The following NCAM2 variants were observed in gnomAD, a reference collection of about 807,000 sequenced individuals.
The protein encoded by NCAM2 is N-CAM-2.
A neutral mutation model predicts 98.1 loss-of-function variants in NCAM2; 30 were observed. That is an observed-to-expected ratio of 0.31 (90% confidence interval 0.23 to 0.41). The LOEUF (loss-of-function observed/expected upper bound fraction) is 0.41. Among genes scored for constraint, NCAM2 ranks in the 10% least tolerant of loss-of-function variants. The probability of loss-of-function intolerance (pLI) is 1.00; values close to 1 mark genes in which losing one functional copy is unlikely to be tolerated. For missense variants in NCAM2, 867 were observed against 1,005.8 expected (o/e 0.86, Z 1.87); for synonymous variants, 368 against 342.4 (o/e 1.07, Z -0.83).
At chr21:21,085,605 T>C (rs556725487) in intron 1 of NCAM2, among the ~76,000 whole-genome samples, 1 of 152,252 alleles carries the variant, frequency 6.6e-6, no homozygotes, top group South Asian at 2.1e-4. Flanking sequence ...GTTGGAGACA[T>C]GGGGCCCTAG....
chr21:21,501,444 A>T (rs1338225239), intron 15 of NCAM2, among the ~76,000 whole-genome samples: 1 of 151,994 alleles, frequency 6.6e-6, no homozygotes, highest in Non-Finnish European at 1.5e-5. Flanking sequence ...GAAATTATAT[A>T]AGGGAATTTA....
At chr21:21,108,153 A>C (rs1269764255) in intron 1 of NCAM2, among the ~76,000 whole-genome samples, 1 of 152,098 alleles carries the variant, frequency 6.6e-6, no homozygotes, top group Non-Finnish European at 1.5e-5. Flanking sequence ...CAAAGTCTTT[A>C]CATCTGAAAA....
At chr21:21,455,769 T>C (rs1483276855) in intron 12 of NCAM2, among the ~76,000 whole-genome samples, 1 of 151,978 alleles carries the variant, frequency 6.6e-6, no homozygotes, top group African/African-American at 2.4e-5. Flanking sequence ...AAAATTTGTG[T>C]TAAGCAACAA....
intron 1 of NCAM2, among the ~76,000 whole-genome samples, chr21:21,226,254 A>G (rs573418526): frequency 3.9e-4 from 59 of 152,158 alleles, no homozygotes; most frequent in African/African-American, 1.4e-3. Flanking sequence ...AAACCTCAGC[A>G]TCCTACAAAA....
At chr21:21,041,286 G>A (rs371269244) in intron 1 of NCAM2, among the ~76,000 whole-genome samples, 7 of 152,058 alleles carry the variant, frequency 4.6e-5, no homozygotes, top group South Asian at 2.1e-4. Flanking sequence ...TCTTTTGGAC[G>A]GTGTTGACAA....
At chr21:21,502,790 A>G (rs1263889339) in intron 15 of NCAM2, among the ~76,000 whole-genome samples, 1 of 151,992 alleles carries the variant, frequency 6.6e-6, no homozygotes. Flanking sequence ...TTATGAAAAT[A>G]GCTACCAGTA....
At chr21:21,374,509 A>G (rs552991192) in intron 9 of NCAM2, among the ~76,000 whole-genome samples, 1 of 151,940 alleles carries the variant, frequency 6.6e-6, no homozygotes, top group South Asian at 2.1e-4. Context: ...TTCTGTCTGG[A>G]AGAAAGGAGC....
chr21:21,482,863 T>C (rs1199237036), intron 15 of NCAM2, among the ~76,000 whole-genome samples: 1 of 151,984 alleles, frequency 6.6e-6, no homozygotes, highest in African/African-American at 2.4e-5. Flanking sequence ...ATCGTGTTCC[T>C]TTTCAGAATA....
intron 8 of NCAM2, among the ~76,000 whole-genome samples, chr21:21,353,973 C>T (rs998448895): frequency 6.6e-6 from 1 of 152,026 alleles, no homozygotes; most frequent in African/African-American, 2.4e-5. Flanking sequence ...TGCTATGTTA[C>T]TTGTCAATTT....
intron 15 of NCAM2, among the ~76,000 whole-genome samples, chr21:21,497,835 C>A (rs1024329161): frequency 6.6e-6 from 1 of 151,980 alleles, no homozygotes; most frequent in African/African-American, 2.4e-5. Context: ...TTGAAAGTTA[C>A]CAAAAATAGC....
intron 1 of NCAM2, among the ~76,000 whole-genome samples, chr21:21,160,177 T>G (rs2067738582): frequency 6.6e-6 from 1 of 152,082 alleles, no homozygotes; most frequent in African/African-American, 2.4e-5. Context: ...TTTTGCAGTA[T>G]AAATATTTTC....
intron 1 of NCAM2, among the ~76,000 whole-genome samples, chr21:21,162,388 A>G (rs2067811551): frequency 6.6e-6 from 1 of 152,162 alleles, no homozygotes; most frequent in Non-Finnish European, 1.5e-5. Context: ...AAAAATATAC[A>G]TAAAACATAA....
Position 21,088,623 on chromosome 21 carries a change from G to A in NCAM2, c.55+90005G>A, listed in dbSNP as rs538130040. Reference sequence around the variant, plus strand: ...TTGTGTTTATGATTTCTTTCTTCAGGATAAAATATAGGGGGTTGTTGACTT... The same window carrying A: ...TTGTGTTTATGATTTCTTTCTTCAGAATAAAATATAGGGGGTTGTTGACTT... On this transcript the variant is annotated intron_variant, in intron 1 of 17. Coordinates refer to ENST00000400546, the MANE Select transcript of NCAM2 (RefSeq NM_004540.5). Among the ~76,000 whole-genome samples the A allele has an allele frequency of 7.2e-5, 11 of 152,166 alleles. No individual in the cohort carries two copies. In the East Asian group the frequency reaches 2.1e-3, roughly 29 times the overall value.
At chr21:21,195,927 G>A (rs2068989347) in intron 1 of NCAM2, among the ~76,000 whole-genome samples, 1 of 152,178 alleles carries the variant, frequency 6.6e-6, no homozygotes, top group Non-Finnish European at 1.5e-5. Context: ...CTTATAATGA[G>A]GATGGAGAGG....
chr21:21,410,546 C>CAT lies in NCAM2; in HGVS notation c.1383+97_1383+98dup, dbSNP rs372718965. ...GAATATATTTAAATATCTTCATATG[C>CAT]ATATATATATATAATAAGAGAGAGA... On this transcript the variant is annotated intron_variant, in intron 10 of 17. Transcript: ENST00000400546. 2.7e-3 allele frequency: 1,733 copies of CAT among 652,784 alleles called. 17 individuals are homozygous for CAT. The highest frequency in any genetic ancestry group is 0.022 in the African/African-American group (1,156 of 52,210). The allele number at this position is 652,784 out of a possible 1,614,324, so 40.4% of individuals were successfully genotyped here. A position where few individuals can be genotyped will look rare whatever the true frequency, so the allele number is the denominator to read the frequency against.
intron 9 of NCAM2, among the ~76,000 whole-genome samples, chr21:21,380,956 A>G (rs2076141224): frequency 6.6e-6 from 1 of 152,182 alleles, no homozygotes; most frequent in Admixed American, 6.6e-5. Context: ...TAATAATCAA[A>G]TATCTACGCT....
At position 21,443,910 on chromosome 21, in the gene NCAM2, T is replaced by C. The variant is rs1412670002; in HGVS notation, c.1654+11629T>C. Among the ~76,000 whole-genome samples the C allele has an allele frequency of 5.9e-5, 9 of 152,256 alleles. No individual in the cohort carries two copies. In the East Asian group the frequency reaches 1.5e-3, roughly 26 times the overall value. On this transcript the variant is annotated intron_variant, in intron 12 of 17. Coordinates refer to ENST00000400546, the MANE Select transcript of NCAM2 (RefSeq NM_004540.5). The stretch of plus-strand genomic sequence containing the variant: ...TAGAAAAACTTTAAGATAATCAGTA[T>C]TTGTACTGGTTATCAAAGGGAATAA...
chr21:21,397,712 C>T (rs1230649734), intron 9 of NCAM2, among the ~76,000 whole-genome samples: 2 of 152,206 alleles, frequency 1.3e-5, no homozygotes, highest in Non-Finnish European at 2.9e-5. Context: ...GTGCAGGGCT[C>T]CCACCCCACC....
chr21:21,251,335 CT>C (rs536681165), intron 1 of NCAM2, among the ~76,000 whole-genome samples: 1,526 of 151,870 alleles, frequency 0.01, 18 homozygotes, highest in Middle Eastern at 0.02. Context: ...CCCCCACCCC[CT>C]GTGTTGTTCC....
Sources: allele counts gnomAD v4.1 joint callset (sites outside exome capture counted in the v4.1 genomes callset), GRCh38; gene constraint gnomAD v4.1.1; transcripts MANE v1.5; gene names NCBI Gene and HGNC (gene_info 2026-07-23, HGNC 2026-07-21).